Variants in ZNF587B observed in about 807,000 individuals in gnomAD.
ZNF587B encodes zinc finger protein 587B.
ZNF587B carries 6 observed loss-of-function variants against 7.2 expected under a neutral mutation model. The ratio of observed to expected loss-of-function variants is 0.83; its 90% CI spans 0.46 to 1.65. ZNF587B has a LOEUF of 1.65. ZNF587B is among the 40% of genes most tolerant of loss of function. ZNF587B has a pLI of 0.01. For synonymous variants in ZNF587B, 274 were observed against 254.3 expected (o/e 1.08, Z -0.74); for missense variants, 749 against 761.0 (o/e 0.98, Z 0.19).
At position 57,841,146 on chromosome 19, in the gene ZNF587B, G is replaced by T. The variant is rs1289269211; in HGVS notation, c.472G>T (p.Val158Leu). ...AGGGAGTGTTGAGGAGGCGTTGTTTGTGAAGAGGTGTAAGTTGCATGTGTC... is the reference window on the plus strand; with the variant it reads ...AGGGAGTGTTGAGGAGGCGTTGTTTTTGAAGAGGTGTAAGTTGCATGTGTC... Reference protein sequence around the residue: ...YRGSVEEALFVKRCKLHVSGE... With the variant: ...YRGSVEEALFLKRCKLHVSGE... Residue 158 changes from valine (V) to leucine (L), a missense_variant, in exon 3 of 3, where the codon GTG becomes TTG. Val to Leu is a conservative substitution (Grantham distance 32). Transcript: ENST00000594901. 1 of 1,614,218 alleles carries T rather than the reference G, an allele frequency of 6.2e-7. No individual in the cohort carries two copies. The highest frequency in any genetic ancestry group is 8.5e-7 in the Non-Finnish European group (1 of 1,180,056).
intron 1 of ZNF587B, among the ~76,000 whole-genome samples, chr19:57,837,132 C>T (rs969354969): frequency 6.6e-6 from 1 of 152,176 alleles, no homozygotes. Flanking sequence ...CAGGCCATTA[C>T]ACTCTCTTCA....
chr19:57,842,553 G>C lies in ZNF587B; in HGVS notation c.1879G>C (p.Val627Leu). The C allele has an allele frequency of 6.5e-7, 1 of 1,527,026 alleles. No homozygotes were observed. Among genetic ancestry groups the C allele is most frequent in the East Asian group, 2.3e-5 (1 of 44,304 alleles). The allele number at this position is 1,527,026 out of a possible 1,614,324, so 94.6% of individuals were successfully genotyped here. ...KSSSLRYHQR[V>L]HERKAL Reference sequence around the variant, plus strand: ...CTCTTCACTTCGTTACCATCAGAGAGTTCATGAAAGAAAGGCCTTATGAGT... The same window carrying C: ...CTCTTCACTTCGTTACCATCAGAGACTTCATGAAAGAAAGGCCTTATGAGT... Residue 627 changes from valine to leucine, a missense_variant, in exon 3 of 3, where the codon GTT becomes CTT. Around this residue, in one of 3 missense-constraint regions of ZNF587B, gnomAD observed 656 missense variants for 596.5 expected, o/e 1.10. Transcript: ENST00000594901.
chr19:57,840,240 T>C (rs975344034), intron 2 of ZNF587B, among the ~76,000 whole-genome samples: 6 of 152,156 alleles, frequency 3.9e-5, no homozygotes, highest in African/African-American at 1.4e-4. Flanking sequence ...TTCCTCATTC[T>C]TGAGAACATC....
At position 57,844,033 on chromosome 19, in the gene ZNF587B, A is replaced by G. The variant is rs112782607; in HGVS notation, c.*1457A>G. Among the ~76,000 whole-genome samples, 3 of 152,208 alleles carry G rather than the reference A, an allele frequency of 2.0e-5. No individual in the cohort carries two copies. Among genetic ancestry groups the G allele is most frequent in the African/African-American group, 2.4e-5 (1 of 41,460 alleles). On this transcript the variant is annotated 3_prime_UTR_variant, in exon 3 of 3. Transcript: ENST00000594901. ...AGAATGTTGGGATTATAGGCGTGGC[A>G]TAAGTCACCATGCTGGGACTTTTTT... is the stretch of plus-strand genomic sequence containing the variant.
chr19:57,841,713 A>T lies in ZNF587B; in HGVS notation c.1039A>T (p.Ile347Phe). The part of the protein sequence containing the change: ...SNVNLKSHQR[I>F]HTGERPYKCG... ...CGTGAACCTTAAGAGTCATCAGCGC[A>T]TTCACACTGGAGAGAGACCTTACAA... The change falls in exon 3 of 3, where the codon ATT becomes TTT. Residue 347 changes from isoleucine (I) to phenylalanine (F), a missense_variant. By Grantham distance (21) the Ile-to-Phe change is conservative (BLOSUM62 0). Around this residue, in one of 3 missense-constraint regions of ZNF587B, gnomAD observed 656 missense variants for 596.5 expected, o/e 1.10. Coordinates refer to ENST00000594901, the MANE Select transcript of ZNF587B (RefSeq NM_001376223.1). 1 of 1,607,592 alleles carries T rather than the reference A, an allele frequency of 6.2e-7. No individual in the cohort carries two copies. Among genetic ancestry groups the T allele is most frequent in the Non-Finnish European group, 8.5e-7 (1 of 1,177,244 alleles).
chr19:57,832,462 AATTTCTTT>A (rs1428391331), intron 1 of ZNF587B, among the ~76,000 whole-genome samples: 1 of 152,146 alleles, frequency 6.6e-6, no homozygotes, highest in Non-Finnish European at 1.5e-5. Flanking sequence ...GTTTGTCTTG[AATTTCTTT>A]GAATTTCCTC....
rs778531852 is a variant in ZNF587B, at chr19:57,844,306, C to T, written c.*1730C>T. The T allele has an allele frequency of 2.6e-4, 100 of 380,058 alleles. No individual in the cohort carries two copies. Among genetic ancestry groups the T allele is most frequent in the African/African-American group, 1.7e-3 (76 of 45,202 alleles). The allele number at this position is 380,058 out of a possible 1,614,324, so 23.5% of individuals were successfully genotyped here. A position where few individuals can be genotyped will look rare whatever the true frequency, so the allele number is the denominator to read the frequency against. ...ACAAGGACAGGAAGGAGTTCAAGAC[C>T]AGCCTGGGCAATATAGTGAAATCCT... On this transcript the variant is annotated 3_prime_UTR_variant, in exon 3 of 3. Coordinates refer to ENST00000594901, the MANE Select transcript of ZNF587B (RefSeq NM_001376223.1).
rs1245061855 is a variant in ZNF587B at position 57,841,244 on chromosome 19, C to A, written c.570C>A (p.Ala190=). 4 of 1,614,122 alleles carry A rather than the reference C, an allele frequency of 2.5e-6. No homozygotes were observed. The highest frequency in any genetic ancestry group is 3.4e-6 in the Non-Finnish European group (4 of 1,180,040). ...LPRSGLLQQE[A]SHTGEKSNSK... is the part of the protein sequence containing the mutation. ...GGTCAGGATTACTCCAGCAGGAGGC[C>A]AGTCACACTGGGGAGAAGTCAAACA... Residue 190 remains alanine (A), a synonymous_variant, in exon 3 of 3, where the codon GCC becomes GCA. Coordinates refer to ENST00000594901, the MANE Select transcript of ZNF587B (RefSeq NM_001376223.1).
chr19:57,835,302 C>T (rs1295702891), intron 1 of ZNF587B, among the ~76,000 whole-genome samples: 2 of 116,920 alleles, frequency 1.7e-5, no homozygotes, highest in Non-Finnish European at 3.6e-5. Context: ...TTTTCTAATG[C>T]GGTCGGTAAG....
chr19:57,830,820 A>C (rs1246966438), intron 1 of ZNF587B, among the ~76,000 whole-genome samples: 1 of 151,962 alleles, frequency 6.6e-6, no homozygotes, highest in African/African-American at 2.4e-5. Context: ...AAATCCGTTT[A>C]TTTAGCCGGC....
intron 1 of ZNF587B, among the ~76,000 whole-genome samples, chr19:57,836,680 C>T (rs1239763116): frequency 6.6e-6 from 1 of 151,978 alleles, no homozygotes; most frequent in Admixed American, 6.6e-5. Flanking sequence ...AGTAATATAT[C>T]TGAACGGGTG....
At chr19:57,831,704 A>T (rs1248190480) in intron 1 of ZNF587B, among the ~76,000 whole-genome samples, 5 of 131,358 alleles carry the variant, frequency 3.8e-5, no homozygotes, top group Non-Finnish European at 8.2e-5. Context: ...TATTTTATTT[A>T]TTTATTTTTT....
In ZNF587B at chr19:57,830,345, C is replaced by G. The variant is rs532151561; in HGVS notation, c.-184C>G. The G allele has an allele frequency of 3.4e-6, 2 of 588,218 alleles. No individual in the cohort carries two copies. Among genetic ancestry groups the G allele is most frequent in the South Asian group, 4.4e-5 (2 of 44,960 alleles). The allele number at this position is 588,218 out of a possible 1,614,324, so 36.4% of individuals were successfully genotyped here. ...TCGGAGAGGCTCCTGAGCGCTAGGT[C>G]GGCACTGCGGTGACTGAACCCAGAA... On this transcript the variant is annotated 5_prime_UTR_variant, in exon 1 of 3. Transcript: ENST00000594901.
Position 57,842,354 on chromosome 19 carries a change from T to C in ZNF587B, c.1680T>C (p.Ala560=). The C allele has an allele frequency of 6.2e-7, 1 of 1,606,096 alleles. No individual in the cohort carries two copies. Among genetic ancestry groups the C allele is most frequent in the Non-Finnish European group, 8.5e-7 (1 of 1,176,148 alleles). Residue 560 remains alanine, a synonymous_variant, in exon 3 of 3, where the codon GCT becomes GCC. Transcript: ENST00000594901. The stretch of plus-strand genomic sequence containing the variant: ...GCAGTGAATGTGGGAAATCTTTTGC[T>C]GCAAGCTCCTATCTCACTAGTCACA... The part of the protein sequence containing the change: ...YECSECGKSF[A]ASSYLTSHRR...
rs1988812386 is a variant in ZNF587B at position 57,840,831 on chromosome 19, C to T, written c.164-7C>T. On this transcript the variant is annotated splice_region_variant and splice_polypyrimidine_tract_variant and intron_variant, in intron 2 of 2. Coordinates refer to ENST00000594901, the MANE Select transcript of ZNF587B (RefSeq NM_001376223.1). ...CATGCACTTCACCAGCATTTTCTTGCTTTCAGGTTGTTGGTGTGGAGTGGA... is the reference window on the plus strand; with the variant it reads ...CATGCACTTCACCAGCATTTTCTTGTTTTCAGGTTGTTGGTGTGGAGTGGA... The T allele has an allele frequency of 6.5e-7, 1 of 1,546,584 alleles. No individual in the cohort carries two copies. Among genetic ancestry groups the T allele is most frequent in the Admixed American group, 2.0e-5 (1 of 48,798 alleles).
Position 57,843,895 on chromosome 19 carries a change from G to A in ZNF587B, c.*1319G>A, listed in dbSNP as rs963775421. 1.3e-5 allele frequency among the ~76,000 whole-genome samples: 2 copies of A among 151,878 alleles called. No homozygotes were observed. The highest frequency in any genetic ancestry group is 4.8e-5 in the African/African-American group (2 of 41,366). On this transcript the variant is annotated 3_prime_UTR_variant, in exon 3 of 3. Transcript: ENST00000594901. ...GATTACAGTGTGAGCCTCTGCTTCTGGCCTTTTTAAAAATTTTTTAAATTT... is the reference window on the plus strand; with the variant it reads ...GATTACAGTGTGAGCCTCTGCTTCTAGCCTTTTTAAAAATTTTTTAAATTT...
Position 57,842,367 on chromosome 19 carries a change from C to G in ZNF587B, c.1693C>G (p.Leu565Val). Residue 565 changes from leucine (L) to valine (V), a missense_variant, in exon 3 of 3, where the codon CTC becomes GTC. Transcript: ENST00000594901. ...CGKSFAASSY[L>V]TSHRRVHTGQ... ...GAAATCTTTTGCTGCAAGCTCCTAT[C>G]TCACTAGTCACAGGAGAGTTCACAC... 6.2e-7 allele frequency: 1 copy of G among 1,605,016 alleles called. No homozygotes were observed. The highest frequency in any genetic ancestry group is 1.1e-5 in the South Asian group (1 of 89,602).
intron 1 of ZNF587B, 44 bp downstream of exon 1, chr19:57,830,608 C>G: frequency 2.6e-6 from 4 of 1,545,702 alleles, no homozygotes; most frequent in Non-Finnish European, 3.5e-6. Flanking sequence ...CTCATCATCA[C>G]CCAAAAGCCT....
rs1329499022 is a variant in ZNF587B, at chr19:57,844,707, T to C, written c.*2131T>C. On this transcript the variant is annotated 3_prime_UTR_variant, in exon 3 of 3. Transcript: ENST00000594901. The stretch of plus-strand genomic sequence containing the variant: ...TTTATAACAACCTCTGGTGGGTTTT[T>C]TATTTTAGTGTCAATATCACACTGA... 6.6e-6 allele frequency: 1 copy of C among 152,494 alleles called. No homozygotes were observed. The highest frequency in any genetic ancestry group is 1.5e-5 in the Non-Finnish European group (1 of 68,250). 9.4% of individuals were successfully genotyped at this position (152,494 alleles called of 1,614,324 possible). A position where few individuals can be genotyped will look rare whatever the true frequency, so the allele number is the denominator to read the frequency against.
Sources: gnomAD v4.1 joint callset for allele counts (sites outside exome capture counted in the v4.1 genomes callset) on GRCh38, gnomAD v4.1.1 for gene constraint, gnomAD v4.1.1 regional missense constraint, MANE v1.5 for transcripts, NCBI Gene and HGNC (gene_info 2026-07-23, HGNC 2026-07-21) for gene names.